The following PARD3 variants were observed in gnomAD, a reference collection of about 807,000 sequenced individuals.
PARD3 encodes par-3 family cell polarity regulator.
In PARD3, 75 loss-of-function variants were observed where a neutral mutation model predicts 155.4. The observed-to-expected ratio is 0.48, with a 90% CI of 0.40 to 0.58. PARD3 has a LOEUF of 0.58. Among genes scored for constraint, PARD3 ranks in the 20% least tolerant of loss-of-function variants. The probability of loss-of-function intolerance (pLI) is 0.00; values close to 1 mark genes in which losing one functional copy is unlikely to be tolerated. For missense variants in PARD3, 1,642 were observed against 1,721.7 expected (o/e 0.95, Z 0.82); for synonymous variants, 576 against 610.5 (o/e 0.94, Z 0.83).
At chr10:34,372,209 T>C (rs892340023) in intron 12 of PARD3, among the ~76,000 whole-genome samples, 2 of 152,126 alleles carry the variant, frequency 1.3e-5, no homozygotes, top group African/African-American at 4.8e-5. Context: ...ATGAAATACT[T>C]TGCATATATG....
chr10:34,335,811 C>A (rs952258956), intron 18 of PARD3, among the ~76,000 whole-genome samples: 1 of 150,810 alleles, frequency 6.6e-6, no homozygotes, highest in Non-Finnish European at 1.5e-5. Flanking sequence ...AATCACCACT[C>A]TGAGAATCAC....
At chr10:34,453,425 T>C (rs2077166330) in intron 4 of PARD3, among the ~76,000 whole-genome samples, 1 of 152,190 alleles carries the variant, frequency 6.6e-6, no homozygotes, top group East Asian at 1.9e-4. Context: ...CAGATCATCA[T>C]TCACCTTTAA....
At chr10:34,260,067 T>C (rs1369630865) in intron 22 of PARD3, among the ~76,000 whole-genome samples, 1 of 152,196 alleles carries the variant, frequency 6.6e-6, no homozygotes, top group Non-Finnish European at 1.5e-5. Flanking sequence ...TTCGAACTCC[T>C]GGGCTCAAGC....
chr10:34,123,170 T>G (rs1947096782), intron 23 of PARD3, among the ~76,000 whole-genome samples: 1 of 152,142 alleles, frequency 6.6e-6, no homozygotes, highest in African/African-American at 2.4e-5. Context: ...GCCAGAGCCA[T>G]AATAACAATA....
intron 2 of PARD3, among the ~76,000 whole-genome samples, chr10:34,686,315 CTCAAGTTGCTT>C (rs759007059): frequency 4.6e-5 from 7 of 152,056 alleles, no homozygotes; most frequent in Non-Finnish European, 1.0e-4. Context: ...TCACTACATA[CTCAAGTTGCTT>C]TTAATATTTT....
At chr10:34,233,425 CGAT>C (rs1342194199) in intron 22 of PARD3, among the ~76,000 whole-genome samples, 3 of 152,002 alleles carry the variant, frequency 2.0e-5, no homozygotes, top group Admixed American at 6.5e-5. Context: ...TTCTCTCCCT[CGAT>C]GATATCGTCC....
At chr10:34,367,368 C>T (rs1273267921) in intron 12 of PARD3, among the ~76,000 whole-genome samples, 5 of 152,154 alleles carry the variant, frequency 3.3e-5, no homozygotes, top group African/African-American at 7.2e-5. Context: ...ATAATACAAT[C>T]GATTTAATCA....
At chr10:34,561,286 T>C (rs1432351812) in intron 2 of PARD3, among the ~76,000 whole-genome samples, 1 of 152,224 alleles carries the variant, frequency 6.6e-6, no homozygotes, top group Non-Finnish European at 1.5e-5. Flanking sequence ...TTTTTCATCA[T>C]GACAATTGTA....
intron 1 of PARD3, among the ~76,000 whole-genome samples, chr10:34,756,118 T>C (rs1313589786): frequency 1.4e-5 from 2 of 144,554 alleles, no homozygotes; most frequent in African/African-American, 5.1e-5. Flanking sequence ...TCACCCTCCC[T>C]CCTCCAATCT....
intron 22 of PARD3, among the ~76,000 whole-genome samples, chr10:34,195,985 G>C (rs894679713): frequency 1.3e-5 from 2 of 152,230 alleles, no homozygotes; most frequent in African/African-American, 4.8e-5. Flanking sequence ...CTTATGCAGT[G>C]CCTGGGGCAC....
At chr10:34,672,830 C>T (rs1052437515) in intron 2 of PARD3, among the ~76,000 whole-genome samples, 2 of 152,200 alleles carry the variant, frequency 1.3e-5, no homozygotes, top group East Asian at 1.9e-4. Flanking sequence ...ACATCTGTTG[C>T]CTGCTTTACT....
At chr10:34,751,126 G>T (rs996085617) in intron 1 of PARD3, among the ~76,000 whole-genome samples, 3 of 152,080 alleles carry the variant, frequency 2.0e-5, no homozygotes, top group African/African-American at 4.8e-5. Flanking sequence ...TGTGTCTCAG[G>T]GAAGCTGCTT....
intron 22 of PARD3, among the ~76,000 whole-genome samples, chr10:34,247,208 T>C (rs943130373): frequency 8.6e-5 from 13 of 151,830 alleles, no homozygotes; most frequent in African/African-American, 3.1e-4. Context: ...AATCAATCAA[T>C]AGAAACAGAC....
chr10:34,298,845 C>T (rs1047325461), intron 20 of PARD3, among the ~76,000 whole-genome samples: 5 of 152,238 alleles, frequency 3.3e-5, no homozygotes, highest in East Asian at 1.9e-4. Flanking sequence ...CACTCTGAGG[C>T]GACCATATGA....
intron 1 of PARD3, among the ~76,000 whole-genome samples, chr10:34,784,675 G>A (rs1840715390): frequency 6.6e-6 from 1 of 152,172 alleles, no homozygotes; most frequent in South Asian, 2.1e-4. Flanking sequence ...GACCTCAAGC[G>A]ATCCGCCCGC....
At chr10:34,458,492 T>A (rs556142467) in intron 4 of PARD3, among the ~76,000 whole-genome samples, 5 of 152,250 alleles carry the variant, frequency 3.3e-5, no homozygotes, top group African/African-American at 1.2e-4. Flanking sequence ...TGTGAGCCAC[T>A]GTGCCCAGCC....
chr10:34,618,553 C>G (rs1033267655), intron 2 of PARD3, among the ~76,000 whole-genome samples: 1 of 151,830 alleles, frequency 6.6e-6, no homozygotes, highest in Non-Finnish European at 1.5e-5. Flanking sequence ...ACATGCCTAT[C>G]AATTCATTTT....
intron 22 of PARD3, among the ~76,000 whole-genome samples, chr10:34,244,419 T>C (rs1051207187): frequency 1.3e-5 from 2 of 152,178 alleles, no homozygotes; most frequent in Non-Finnish European, 2.9e-5. Context: ...CGAACAGAGA[T>C]ACTGAAGGGC....
intron 2 of PARD3, among the ~76,000 whole-genome samples, chr10:34,584,620 CTCAA>C (rs1325116222): frequency 1.3e-5 from 2 of 152,110 alleles, no homozygotes; most frequent in Non-Finnish European, 2.9e-5. Context: ...CGTTACCTGA[CTCAA>C]TCAATTTTTA....
Sources: allele counts gnomAD v4.1 joint callset (sites outside exome capture counted in the v4.1 genomes callset), GRCh38; gene constraint gnomAD v4.1.1; transcripts MANE v1.5; gene names NCBI Gene and HGNC (gene_info 2026-07-23, HGNC 2026-07-21).